PARVA: variants seen among roughly 807,000 people sequenced by gnomAD.
PARVA encodes alpha-parvin.
A neutral mutation model predicts 52.6 loss-of-function variants in PARVA; 25 were observed. The ratio of observed to expected loss-of-function variants is 0.48; its 90% CI spans 0.35 to 0.66. The LOEUF is 0.66. PARVA is among the 30% of genes least tolerant of loss of function. PARVA has a pLI of 0.01. For missense variants in PARVA, 373 were observed against 450.9 expected, an observed-to-expected ratio of 0.83 and a Z score of 1.56; for synonymous variants, 185 against 179.1, an observed-to-expected ratio of 1.03 and a Z score of -0.26.
chr11:12,492,221 CTATA>C (rs936557372), intron 4 of PARVA, among the ~76,000 whole-genome samples: 11 of 152,086 alleles, frequency 7.2e-5, no homozygotes, highest in Admixed American at 7.2e-4. Context: ...TCATTGTTTT[CTATA>C]TATAATCTCT....
At chr11:12,424,293 C>A (rs1415622844) in intron 1 of PARVA, among the ~76,000 whole-genome samples, 2 of 152,092 alleles carry the variant, frequency 1.3e-5, no homozygotes, top group African/African-American at 4.8e-5. Context: ...ATATCATCTG[C>A]AAAACAAGTG....
chr11:12,393,044 G>GAAAAAAAAAAAAAAAAA (rs60966710), intron 1 of PARVA, among the ~76,000 whole-genome samples: 4 of 46,128 alleles, frequency 8.7e-5, no homozygotes, highest in East Asian at 6.0e-4. Context: ...CCCAAATTGT[G>GAAAAAAAAAAAAAAAAA]AAAAAAAAAA....
In PARVA at chr11:12,465,283, C is replaced by G. The variant is rs186766312; in HGVS notation, c.137-8462C>G. The stretch of plus-strand genomic sequence containing the variant: ...GCACACTCAGCCCCTTTGCCATGTG[C>G]TGCCTCAGGACCCTGCAGAGAGTCC... On this transcript the variant is annotated intron_variant, in intron 1 of 12. Coordinates refer to ENST00000334956, the MANE Select transcript of PARVA (RefSeq NM_018222.5). Among the ~76,000 whole-genome samples, 1,153 of 152,302 alleles carry G rather than the reference C, an allele frequency of 7.6e-3. 15 individuals are homozygous for G. The highest frequency in any genetic ancestry group is 0.022 in the African/African-American group (929 of 41,566).
Position 12,528,180 on chromosome 11 carries a change from A to G in PARVA, c.*255A>G, listed in dbSNP as rs2135094600. Reference sequence around the variant, plus strand: ...GGAAGGTTGTTCCCTTCCCGGTGCCAGGTCCAGATTTCCCTCCATGATTTG... The same window carrying G: ...GGAAGGTTGTTCCCTTCCCGGTGCCGGGTCCAGATTTCCCTCCATGATTTG... On this transcript the variant is annotated 3_prime_UTR_variant, in exon 13 of 13. Coordinates refer to ENST00000334956, the MANE Select transcript of PARVA (RefSeq NM_018222.5). 7 of 514,124 alleles carry G rather than the reference A, an allele frequency of 1.4e-5. No homozygotes were observed. In the East Asian group the frequency reaches 1.8e-4, roughly 13 times the overall value. The allele number at this position is 514,124 out of a possible 1,614,324, so 31.8% of individuals were successfully genotyped here.
At chr11:12,520,967 T>G (rs1211156187) in intron 12 of PARVA, among the ~76,000 whole-genome samples, 1 of 152,022 alleles carries the variant, frequency 6.6e-6, no homozygotes, top group Non-Finnish European at 1.5e-5. Context: ...GAAAAAGAAA[T>G]ATTGTCATGC....
intron 4 of PARVA, among the ~76,000 whole-genome samples, chr11:12,487,420 A>G (rs959234330): frequency 1.2e-4 from 18 of 152,224 alleles, no homozygotes; most frequent in African/African-American, 4.3e-4. Context: ...AAAAACCTCT[A>G]TGGCTGAGCT....
Position 12,511,515 on chromosome 11 carries a change from G to T in PARVA, c.718G>T (p.Ala240Ser). ...ATTTTCTTTCTCTTTTTCCTCCAGG[G>T]CTCTTTCCGGGAGGCATGGTAAGTC... is the stretch of plus-strand genomic sequence containing the variant. ...IQEEITGNTE[A>S]LSGRHERDAF... Residue 240 changes from alanine (A) to serine (S), a missense_variant and splice_region_variant, in exon 8 of 13, where the codon GCT (alanine) becomes TCT (serine). Coordinates refer to ENST00000334956, the MANE Select transcript of PARVA (RefSeq NM_018222.5). 1 of 1,613,126 alleles carries T rather than the reference G, an allele frequency of 6.2e-7. No individual in the cohort carries two copies.
At chr11:12,411,396 T>A (rs1333933735) in intron 1 of PARVA, among the ~76,000 whole-genome samples, 1 of 152,238 alleles carries the variant, frequency 6.6e-6, no homozygotes, top group African/African-American at 2.4e-5. Context: ...TTTATTATAA[T>A]TAATGAACCA....
At chr11:12,526,458 G>GT (rs1941702457) in intron 12 of PARVA, among the ~76,000 whole-genome samples, 1 of 152,036 alleles carries the variant, frequency 6.6e-6, no homozygotes, top group Non-Finnish European at 1.5e-5. Context: ...CCATACAGTT[G>GT]TTTTTTAATC....
chr11:12,438,043 G>A (rs972835656), intron 1 of PARVA, among the ~76,000 whole-genome samples: 29 of 152,042 alleles, frequency 1.9e-4, no homozygotes, highest in African/African-American at 6.3e-4. Context: ...GGTGGATCAC[G>A]ATGTCAGGAG....
intron 1 of PARVA, among the ~76,000 whole-genome samples, chr11:12,423,318 A>G (rs1589952116): frequency 6.7e-6 from 1 of 148,686 alleles, no homozygotes; most frequent in African/African-American, 2.5e-5. Flanking sequence ...AGCTAGGACC[A>G]CAGGCGTGCG....
intron 1 of PARVA, among the ~76,000 whole-genome samples, chr11:12,400,671 C>T (rs927155909): frequency 6.6e-5 from 10 of 152,070 alleles, no homozygotes; most frequent in Admixed American, 2.0e-4. Flanking sequence ...TCTTTCCTTC[C>T]GTCTCTTTTT....
At chr11:12,445,543 C>CA (rs146383597) in intron 1 of PARVA, among the ~76,000 whole-genome samples, 43,746 of 151,780 alleles carry the variant, frequency 0.29, 6,806 homozygotes, top group Non-Finnish European at 0.35. Flanking sequence ...GTGGGAAGGC[C>CA]TGGATCTAGA....
chr11:12,474,045 C>A, intron 3 of PARVA, 62 bp downstream of exon 3: 2 of 1,330,376 alleles, frequency 1.5e-6, no homozygotes, highest in Non-Finnish European at 2.1e-6. Context: ...CCATATGCCA[C>A]CTGCTCTGTG....
chr11:12,523,891 C>T (rs1410589264), intron 12 of PARVA, among the ~76,000 whole-genome samples: 1 of 152,194 alleles, frequency 6.6e-6, no homozygotes, highest in Non-Finnish European at 1.5e-5. Context: ...CAATATATTC[C>T]CAGGAATCCA....
At chr11:12,500,836 C>T (rs7929053) in intron 5 of PARVA, among the ~76,000 whole-genome samples, 50,354 of 150,988 alleles carry the variant, frequency 0.33, 10,071 homozygotes, top group East Asian at 0.53. Context: ...TGGCGGGGCA[C>T]GGTGGCCCAC....
chr11:12,517,566 T>C (rs1466695615), intron 10 of PARVA, 44 bp from the exon 11 acceptor site: 4 of 1,404,062 alleles, frequency 2.8e-6, no homozygotes, highest in Admixed American at 3.9e-5. Flanking sequence ...GGGGATTGGC[T>C]GGGAGGCTCA....
intron 4 of PARVA, among the ~76,000 whole-genome samples, chr11:12,484,271 G>A (rs979818668): frequency 3.3e-5 from 5 of 152,276 alleles, no homozygotes; most frequent in Admixed American, 1.3e-4. Context: ...GGCTTGGGAT[G>A]TCTATGTGAA....
At chr11:12,435,133 C>CT (rs1390310321) in intron 1 of PARVA, among the ~76,000 whole-genome samples, 1 of 152,240 alleles carries the variant, frequency 6.6e-6, no homozygotes, top group Non-Finnish European at 1.5e-5. Context: ...AATTTCCAGA[C>CT]TTTCTTTCCT....
Sources: allele counts gnomAD v4.1 joint callset (sites outside exome capture counted in the v4.1 genomes callset), GRCh38; gene constraint gnomAD v4.1.1; transcripts MANE v1.5; gene names NCBI Gene and HGNC (gene_info 2026-07-23, HGNC 2026-07-21).